Variants in NAV2 observed in about 807,000 individuals in gnomAD.
NAV2 encodes the protein helicase, APC down-regulated 1.
NAV2 carries 54 observed loss-of-function variants against 223.2 expected under a neutral mutation model. The observed-to-expected ratio is 0.24, with a 90% CI of 0.19 to 0.30. The LOEUF is 0.30. Among genes scored for constraint, NAV2 ranks in the 10% least tolerant of loss-of-function variants. The pLI is 1.00. For synonymous variants in NAV2, 1,279 were observed against 1,239.3 expected (o/e 1.03, Z -0.67); for missense variants, 2,806 against 3,147.5 (o/e 0.89, Z 2.60).
intron 11 of NAV2, among the ~76,000 whole-genome samples, chr11:20,006,134 G>A (rs78249104): frequency 3.3e-5 from 5 of 152,110 alleles, no homozygotes; most frequent in African/African-American, 4.8e-5. Flanking sequence ...GGGTTCCTGC[G>A]TGAGGTGAGA....
intron 25 of NAV2, chr11:20,082,633 A>G: frequency 6.2e-7 from 1 of 1,606,584 alleles, no homozygotes; most frequent in Non-Finnish European, 8.5e-7. Context: ...TCAGATACCA[A>G]GCTAACCCAT....
chr11:19,472,763 C>T lies in NAV2; in HGVS notation c.75+121736C>T, dbSNP rs1285818606. On this transcript the variant is annotated intron_variant, in intron 1 of 37. Coordinates refer to the NAV2 transcript ENST00000360655. ...ATTTAGGCGGTGCTACTAAACTGAG[C>T]GGTAGTTGCCGGGAAGATGAAGCAC... 5.9e-5 allele frequency among the ~76,000 whole-genome samples: 9 copies of T among 152,258 alleles called. No individual in the cohort carries two copies. In the South Asian group the frequency reaches 1.2e-3, roughly 21 times the overall value.
Position 19,422,559 on chromosome 11 carries a change from G to T in NAV2, c.75+71532G>T, listed in dbSNP as rs72892114. ...CTGATTCCTGTCCCAACAGGAAGCC[G>T]CCCATAAGGCCCTTCTGCGGCTGAG... On this transcript the variant is annotated intron_variant, in intron 1 of 37. Transcript: ENST00000360655. 2.4e-3 allele frequency among the ~76,000 whole-genome samples: 366 copies of T among 151,568 alleles called. 1 individual carries two copies. The highest frequency in any genetic ancestry group is 4.2e-3 in the Non-Finnish European group (285 of 67,868).
intron 11 of NAV2, among the ~76,000 whole-genome samples, chr11:20,010,630 G>A (rs78687006): frequency 0.069 from 10,570 of 152,160 alleles, 408 homozygotes; most frequent in South Asian, 0.11. Context: ...ATGTACAGCC[G>A]TGGCTTTTAT....
At chr11:20,040,660 A>G (rs1344692130) in intron 12 of NAV2, among the ~76,000 whole-genome samples, 1 of 152,058 alleles carries the variant, frequency 6.6e-6, no homozygotes, top group African/African-American at 2.4e-5. Flanking sequence ...TCACCTTCCC[A>G]TGTGGATATC....
chr11:19,602,294 C>G (rs2135252586), intron 1 of NAV2, among the ~76,000 whole-genome samples: 1 of 151,616 alleles, frequency 6.6e-6, no homozygotes, highest in East Asian at 1.9e-4. Context: ...TTTCCTGCCT[C>G]AGCCTCCCGA....
intron 1 of NAV2, among the ~76,000 whole-genome samples, chr11:19,771,041 T>A (rs553105908): frequency 6.6e-6 from 1 of 152,328 alleles, no homozygotes; most frequent in South Asian, 2.1e-4. Context: ...ACTCAGATTC[T>A]TCTGGAAAAT....
At chr11:19,524,902 G>A (rs534745268) in intron 1 of NAV2, among the ~76,000 whole-genome samples, 5 of 152,232 alleles carry the variant, frequency 3.3e-5, no homozygotes, top group African/African-American at 7.2e-5. Flanking sequence ...ACACAGCTTC[G>A]TGTTTAGAGT....
rs1443819116 is a variant in NAV2 at position 19,684,609 on chromosome 11, TCCAAGGGCACGG to T, written c.76-147864_76-147853del. Among the ~76,000 whole-genome samples, 6 of 151,998 alleles carry T rather than the reference TCCAAGGGCACGG, an allele frequency of 3.9e-5. No individual in the cohort carries two copies. The South Asian group carries it at 6.3e-4, about 16-fold the overall frequency. ...GTAAATAGTGGAGGCCAAGCTCCTC[TCCAAGGGCACGG>T]CCAAGGGCACTCACCCACTTCCAGA... On this transcript the variant is annotated intron_variant, in intron 1 of 37. Coordinates refer to the NAV2 transcript ENST00000360655.
chr11:19,677,847 T>A (rs1305860289), intron 1 of NAV2, among the ~76,000 whole-genome samples: 1 of 152,194 alleles, frequency 6.6e-6, no homozygotes, highest in Non-Finnish European at 1.5e-5. Context: ...CAAGATTGAG[T>A]GGTTGCAACA....
intron 3 of NAV2, among the ~76,000 whole-genome samples, chr11:19,854,592 C>T (rs1289016745): frequency 6.6e-6 from 1 of 152,074 alleles, no homozygotes; most frequent in African/African-American, 2.4e-5. Context: ...ATACCTAACC[C>T]GTTTTACTCA....
At chr11:19,516,632 T>G (rs1291883386) in intron 1 of NAV2, among the ~76,000 whole-genome samples, 1 of 152,218 alleles carries the variant, frequency 6.6e-6, no homozygotes, top group African/African-American at 2.4e-5. Flanking sequence ...GATGATAGAA[T>G]GCACTTGCAA....
rs1564975737 is a variant in NAV2 at position 20,068,206 on chromosome 11, A to G, written c.4905A>G (p.Ser1635=). Reference sequence around the variant, plus strand: ...TACAGCCAGAAGAAAAATGCCAGTCAGAGGTAAGGAACAGCTTTCTGGTTG... The same window carrying G: ...TACAGCCAGAAGAAAAATGCCAGTCGGAGGTAAGGAACAGCTTTCTGGTTG... The part of the protein sequence containing the change: ...VYSTPEEKCQ[S]EIRKLRRELD... Residue 1635 remains serine, a synonymous_variant, in exon 21 of 38, where the codon TCA becomes TCG. Transcript: ENST00000349880. 6.2e-7 allele frequency: 1 copy of G among 1,614,106 alleles called. No homozygotes were observed. Among genetic ancestry groups the G allele is most frequent in the East Asian group, 2.2e-5 (1 of 44,888 alleles).
intron 1 of NAV2, among the ~76,000 whole-genome samples, chr11:19,461,075 T>G (rs78726816): frequency 0.051 from 7,752 of 152,308 alleles, 268 homozygotes; most frequent in Non-Finnish European, 0.078. Context: ...AGTTGTAATT[T>G]GTAACCAGCA....
At chr11:19,627,925 AAAAG>A (rs1355602522) in intron 1 of NAV2, among the ~76,000 whole-genome samples, 1,781 of 124,104 alleles carry the variant, frequency 0.014, 29 homozygotes, top group African/African-American at 0.044. Context: ...AAAAAAAAAA[AAAAG>A]AAGAAGAAGA....
At chr11:19,665,449 T>G (rs909233244) in intron 1 of NAV2, among the ~76,000 whole-genome samples, 7 of 152,092 alleles carry the variant, frequency 4.6e-5, no homozygotes, top group Non-Finnish European at 4.4e-5. Flanking sequence ...CCTCTCCTCC[T>G]CCCCATGGCA....
At chr11:19,814,099 A>G (rs146005871) in intron 1 of NAV2, among the ~76,000 whole-genome samples, 2 of 152,308 alleles carry the variant, frequency 1.3e-5, no homozygotes, top group East Asian at 3.9e-4. Context: ...GAGCAGGTAG[A>G]GAAAGATCTG....
chr11:19,792,387 C>A (rs971112312), intron 1 of NAV2, among the ~76,000 whole-genome samples: 6 of 152,254 alleles, frequency 3.9e-5, no homozygotes, highest in Admixed American at 1.3e-4. Flanking sequence ...AGCCCATTGG[C>A]TCCTCGTACC....
intron 1 of NAV2, among the ~76,000 whole-genome samples, chr11:19,364,898 A>G (rs934723164): frequency 2.6e-5 from 4 of 152,258 alleles, no homozygotes; most frequent in African/African-American, 4.8e-5. Flanking sequence ...TTTGTTTACT[A>G]TGCAAAGCTA....
Sources: gnomAD v4.1 joint callset for allele counts (sites outside exome capture counted in the v4.1 genomes callset) on GRCh38, gnomAD v4.1.1 for gene constraint, MANE v1.5 for transcripts, NCBI Gene and HGNC (gene_info 2026-07-23, HGNC 2026-07-21) for gene names.